ATRX: variants seen among roughly 807,000 people sequenced by gnomAD.
The protein encoded by ATRX is ATRX chromatin remodeler, also known as chromatin remodeler ATRX.
A neutral mutation model predicts 172.6 loss-of-function variants in ATRX; 12 were observed. The ratio of observed to expected loss-of-function variants is 0.07; its 90% confidence interval spans 0.04 to 0.11. The LOEUF (loss-of-function observed/expected upper bound fraction) is 0.11. Among genes scored for constraint, ATRX ranks in the 10% least tolerant of loss-of-function variants. ATRX has a pLI of 1.00. For synonymous variants in ATRX, 674 were observed against 594.7 expected, an observed-to-expected ratio of 1.13 and a Z score of -1.94; for missense variants, 1,368 against 1,767.4, an observed-to-expected ratio of 0.77 and a Z score of 4.05.
At position 77,683,550 on chromosome X, in the gene ATRX, T is replaced by C. The variant is rs782692285; in HGVS notation, c.1706A>G (p.Asp569Gly). The stretch of plus-strand genomic sequence containing the variant: ...TTTTGATTTAATACCTCCTCTGTTG[T>C]CTTTTGAAGAAATATTTAATTTTAC... Reference protein sequence around the residue: ...SSVKLNISSKDNRGGIKSKTT... With the variant: ...SSVKLNISSKGNRGGIKSKTT... Residue 569 changes from aspartate to glycine, a missense_variant, in exon 9 of 35, where the codon GAC (aspartate) becomes GGC (glycine). Physicochemically the swap from Asp to Gly is moderately conservative, Grantham distance 94. Around this residue, in one of 17 missense-constraint regions of ATRX, gnomAD observed 843 missense variants for 643.1 expected, o/e 1.31. Transcript: ENST00000373344. The C allele has an allele frequency of 8.3e-7, 1 of 1,210,057 alleles. No homozygotes were observed. Among genetic ancestry groups the C allele is most frequent in the Admixed American group, 2.2e-5 (1 of 45,903 alleles).
At chrX:77,643,160 T>C (rs1372392022) in intron 15 of ATRX, among the ~76,000 whole-genome samples, 1 of 110,944 alleles carries the variant, frequency 9.0e-6, no homozygotes, top group Non-Finnish European at 1.9e-5. Context: ...GTAAATTTTA[T>C]CTAACCTGTC....
chrX:77,594,154 G>A (rs2066387559), intron 25 of ATRX: 1 of 190,347 alleles, frequency 5.3e-6, no homozygotes. Context: ...GGTAGGAGTG[G>A]AGCTCAGAAA....
chrX:77,716,936 A>C (rs1367561752), intron 2 of ATRX, among the ~76,000 whole-genome samples, 195 bp downstream of exon 2: 4 of 111,447 alleles, frequency 3.6e-5, no homozygotes, highest in Non-Finnish European at 7.5e-5. Flanking sequence ...ACTTACCAAA[A>C]TTAAAATCTC....
chrX:77,636,633 C>A (rs1557108213), intron 15 of ATRX, among the ~76,000 whole-genome samples: 1 of 110,817 alleles, frequency 9.0e-6, no homozygotes, highest in African/African-American at 3.3e-5. Flanking sequence ...TCAAAACTCT[C>A]CAAAAAATTT....
intron 2 of ATRX, 95 bp downstream of exon 2, chrX:77,717,036 G>T: frequency 1.4e-6 from 1 of 733,348 alleles, no homozygotes; most frequent in Non-Finnish European, 2.0e-6. Flanking sequence ...TCTTTTAAAA[G>T]CTGCTCTCTG....
At chrX:77,539,819 C>A (rs1424357605) in intron 30 of ATRX, among the ~76,000 whole-genome samples, 1 of 111,888 alleles carries the variant, frequency 8.9e-6, no homozygotes, top group Non-Finnish European at 1.9e-5. Flanking sequence ...GAAGGAAGCA[C>A]TAAACATGGA....
chrX:77,708,530 C>T (rs889989366), intron 2 of ATRX, among the ~76,000 whole-genome samples: 3 of 111,015 alleles, frequency 2.7e-5, no homozygotes, highest in East Asian at 5.6e-4. Context: ...GGTGTGGTGG[C>T]GCACGCCTAT....
intron 28 of ATRX, among the ~76,000 whole-genome samples, chrX:77,569,124 C>G (rs893616119): frequency 9.1e-6 from 1 of 109,981 alleles, no homozygotes; most frequent in African/African-American, 3.3e-5. Flanking sequence ...AAAACAAAAA[C>G]AAACAAAAAC....
chrX:77,768,390 A>G (rs1463374597), intron 1 of ATRX, among the ~76,000 whole-genome samples: 3 of 112,044 alleles, frequency 2.7e-5, no homozygotes, highest in Non-Finnish European at 5.6e-5. Flanking sequence ...AACAAAGATT[A>G]TATCATTACA....
chrX:77,770,655 C>T (rs1246304024), intron 1 of ATRX, among the ~76,000 whole-genome samples: 3 of 112,119 alleles, frequency 2.7e-5, no homozygotes, highest in Non-Finnish European at 3.8e-5. Context: ...ATGTCAAGAT[C>T]AGGACAGACA....
intron 30 of ATRX, among the ~76,000 whole-genome samples, chrX:77,545,810 C>T (rs782182913): frequency 9.0e-6 from 1 of 111,466 alleles, no homozygotes; most frequent in East Asian, 2.8e-4. Context: ...GCATAGAAGT[C>T]AGATATTTTG....
chrX:77,652,596 T>TA (rs1879129530), intron 14 of ATRX, among the ~76,000 whole-genome samples: 1 of 105,263 alleles, frequency 9.5e-6, no homozygotes, highest in African/African-American at 3.5e-5. Flanking sequence ...GGTCAGGAGA[T>TA]AGAGACCATC....
intron 30 of ATRX, among the ~76,000 whole-genome samples, chrX:77,555,894 A>G (rs2064760446): frequency 9.1e-6 from 1 of 109,407 alleles, no homozygotes; most frequent in African/African-American, 3.3e-5. Context: ...AAAAAAAAGG[A>G]CCAGGCGCGG....
intron 9 of ATRX, among the ~76,000 whole-genome samples, chrX:77,678,971 TA>T (rs1465831199): frequency 9.0e-6 from 1 of 110,571 alleles, no homozygotes; most frequent in Non-Finnish European, 1.9e-5. Context: ...CTAAACTCAA[TA>T]GGGGGCAGGG....
chrX:77,549,329 G>A (rs1557054758), intron 30 of ATRX, among the ~76,000 whole-genome samples: 8 of 111,951 alleles, frequency 7.1e-5, no homozygotes. Flanking sequence ...AGGTTGCAGT[G>A]AACTGAGATT....
chrX:77,655,175 T>C (rs782076389), intron 13 of ATRX, among the ~76,000 whole-genome samples: 3 of 111,066 alleles, frequency 2.7e-5, no homozygotes, highest in African/African-American at 9.8e-5. Flanking sequence ...AACATTTCAA[T>C]TTTGCAAGGG....
intron 30 of ATRX, among the ~76,000 whole-genome samples, chrX:77,547,879 C>T (rs953596229): frequency 1.8e-5 from 2 of 111,308 alleles, no homozygotes; most frequent in Non-Finnish European, 3.8e-5. Flanking sequence ...ATTTTCTACT[C>T]AGGATCAGGA....
chrX:77,652,230 G>T lies in ATRX; in HGVS notation c.4441C>A (p.Arg1481=), dbSNP rs2148437685. The change falls in exon 15 of 35, where the codon CGG becomes AGG. Residue 1481 remains arginine, a synonymous_variant. Transcript: ENST00000373344. The stretch of plus-strand genomic sequence containing the variant: ...AGTTTATCATCTTTAAGAATCTTCC[G>T]AATTTTCTTTCTGCCTTTTCCAGGA... ...KSPGKGRKKI[R]KILKDDKLRT... 1.7e-6 allele frequency: 2 copies of T among 1,210,009 alleles called. No individual in the cohort carries two copies. Among genetic ancestry groups the T allele is most frequent in the Non-Finnish European group, 1.1e-6 (1 of 895,259 alleles).
intron 30 of ATRX, among the ~76,000 whole-genome samples, chrX:77,551,380 T>C (rs1020483523): frequency 2.7e-5 from 3 of 111,993 alleles, no homozygotes; most frequent in African/African-American, 9.7e-5. Flanking sequence ...ATTCCCTGTT[T>C]AATAAATGGT....
Sources: gnomAD v4.1 joint callset for allele counts (sites outside exome capture counted in the v4.1 genomes callset) on GRCh38, gnomAD v4.1.1 for gene constraint, gnomAD v4.1.1 regional missense constraint, MANE v1.5 for transcripts, NCBI Gene and HGNC (gene_info 2026-07-23, HGNC 2026-07-21) for gene names.